Variants in ZFHX3 observed in about 807,000 individuals in gnomAD.
ZFHX3 encodes zinc finger homeobox protein 3.
Under a neutral mutation model 279.1 loss-of-function variants are expected in ZFHX3, and 42 were observed. The observed-to-expected ratio is 0.15, with a 90% CI of 0.12 to 0.19. The LOEUF is 0.19. Ranked by LOEUF, ZFHX3 falls within the 10% of genes least tolerant of loss-of-function variation. The pLI is 1.00. For missense variants in ZFHX3, 4,981 were observed against 4,754.0 expected, an observed-to-expected ratio of 1.05 and a Z score of -1.40; for synonymous variants, 2,293 against 1,957.8, an observed-to-expected ratio of 1.17 and a Z score of -4.52.
At chr16:73,273,758 A>C (rs1203014854) in intron 4 of ZFHX3, among the ~76,000 whole-genome samples, 1 of 152,146 alleles carries the variant, frequency 6.6e-6, no homozygotes, top group Non-Finnish European at 1.5e-5. Context: ...ATAATGCCTT[A>C]AGGAGTGTCT....
At chr16:73,181,077 GTTTGTTTGTTTTGT>G (rs1967781605) in intron 5 of ZFHX3, among the ~76,000 whole-genome samples, 1 of 110,146 alleles carries the variant, frequency 9.1e-6, no homozygotes, top group Non-Finnish European at 1.8e-5. Context: ...TAGTTTTTTT[GTTTGTTTGTTTTGT>G]TTTGTTTTGT....
At chr16:73,491,718 C>A (rs1350354591) in intron 2 of ZFHX3, among the ~76,000 whole-genome samples, 1 of 151,936 alleles carries the variant, frequency 6.6e-6, no homozygotes, top group Non-Finnish European at 1.5e-5. Context: ...CAACTAGGGA[C>A]AAAATTGCAC....
intron 2 of ZFHX3, among the ~76,000 whole-genome samples, chr16:73,607,023 A>T (rs191708672): frequency 9.6e-4 from 144 of 149,396 alleles, no homozygotes; most frequent in African/African-American, 3.4e-3. Flanking sequence ...AATAAAAAGG[A>T]CATGATCTCT....
intron 2 of ZFHX3, among the ~76,000 whole-genome samples, chr16:73,668,147 C>T (rs2052864399): frequency 6.6e-6 from 1 of 152,104 alleles, no homozygotes; most frequent in African/African-American, 2.4e-5. Context: ...GTGTGCCAGA[C>T]TATTTTTCGG....
chr16:72,929,614 C>T (rs1355061294), intron 3 of ZFHX3, among the ~76,000 whole-genome samples: 2 of 152,226 alleles, frequency 1.3e-5, no homozygotes, highest in African/African-American at 2.4e-5. Flanking sequence ...AAGGTGGCCT[C>T]GCCCTGTGGC....
intron 4 of ZFHX3, among the ~76,000 whole-genome samples, chr16:72,884,123 T>C: frequency 6.6e-6 from 1 of 152,198 alleles, no homozygotes; most frequent in East Asian, 1.9e-4. Flanking sequence ...ACAGTATATA[T>C]TCTTGGTCTC....
At chr16:73,447,180 CAAA>C (rs61445002) in intron 3 of ZFHX3, among the ~76,000 whole-genome samples, 5 of 90,554 alleles carry the variant, frequency 5.5e-5, no homozygotes, top group African/African-American at 1.4e-4. Flanking sequence ...GACTCCATCT[CAAA>C]AAAAAAAAAA....
At chr16:73,328,240 A>G (rs559929563) in intron 3 of ZFHX3, among the ~76,000 whole-genome samples, 1 of 152,296 alleles carries the variant, frequency 6.6e-6, no homozygotes, top group African/African-American at 2.4e-5. Context: ...GAGAAGTGGT[A>G]GAAACTGGGG....
chr16:73,077,486 C>G (rs1291956332), intron 8 of ZFHX3, among the ~76,000 whole-genome samples: 1 of 151,712 alleles, frequency 6.6e-6, no homozygotes, highest in Non-Finnish European at 1.5e-5. Flanking sequence ...TGAAGTGACT[C>G]TCCCGTGATT....
At chr16:72,955,335 G>A (rs1031557297) in intron 2 of ZFHX3, among the ~76,000 whole-genome samples, 2 of 152,202 alleles carry the variant, frequency 1.3e-5, no homozygotes, top group Non-Finnish European at 1.5e-5. Flanking sequence ...CTACAACACA[G>A]GGCTTCATTC....
intron 1 of ZFHX3, among the ~76,000 whole-genome samples, chr16:73,006,809 T>C (rs1322827421): frequency 6.6e-6 from 1 of 152,200 alleles, no homozygotes; most frequent in East Asian, 1.9e-4. Context: ...GTCCCTGATA[T>C]AAAACAGCAT....
intron 5 of ZFHX3, among the ~76,000 whole-genome samples, chr16:73,231,653 T>A (rs2012776566): frequency 1.3e-5 from 2 of 152,212 alleles, no homozygotes; most frequent in Admixed American, 1.3e-4. Flanking sequence ...GTGGTCCTTA[T>A]CTCTACTTTG....
intron 3 of ZFHX3, among the ~76,000 whole-genome samples, chr16:73,326,768 G>C (rs561172480): frequency 8.5e-5 from 13 of 152,306 alleles, no homozygotes; most frequent in African/African-American, 2.6e-4. Flanking sequence ...TTTACGGTAA[G>C]TGAATAATAT....
In ZFHX3 at chr16:73,677,428, AAAC is replaced by A. The variant is rs370530843; in HGVS notation, c.-1547+2749_-1547+2751del. Among the ~76,000 whole-genome samples, 461 of 151,904 alleles carry A rather than the reference AAAC, an allele frequency of 3.0e-3. 11 individuals carry two copies. The highest frequency in any genetic ancestry group is 0.028 in the Admixed American group (431 of 15,248). ...CATAGTTTTAAATATTTTTATTAATAAACAACAACAACAACAAAAAATGAATTA... is the reference window on the plus strand; with the variant it reads ...CATAGTTTTAAATATTTTTATTAATAAACAACAACAACAAAAAATGAATTA... On this transcript the variant is annotated intron_variant, in intron 2 of 17. Coordinates refer to the ZFHX3 transcript ENST00000641206.
Position 73,846,607 on chromosome 16 carries a change from T to A in ZFHX3, c.-1608+45044A>T, listed in dbSNP as rs142230445. On this transcript the variant is annotated intron_variant, in intron 1 of 17. Transcript: ENST00000641206. ...TAATTACCTTGTAAATATGCATGAA[T>A]AAGCACAGGCCTCAGATGCCTCTGC... Among the ~76,000 whole-genome samples the A allele has an allele frequency of 9.8e-5, 15 of 152,290 alleles. 1 individual carries two copies. Among genetic ancestry groups the A allele is most frequent in the Admixed American group, 3.9e-4 (6 of 15,296 alleles).
At chr16:73,201,719 G>T (rs1183665333) in intron 5 of ZFHX3, among the ~76,000 whole-genome samples, 2 of 152,184 alleles carry the variant, frequency 1.3e-5, no homozygotes, top group African/African-American at 2.4e-5. Context: ...AAATAATAAT[G>T]AAGATGAAGA....
intron 3 of ZFHX3, among the ~76,000 whole-genome samples, chr16:73,318,694 C>T (rs569318463): frequency 2.6e-5 from 4 of 152,210 alleles, no homozygotes; most frequent in South Asian, 2.1e-4. Flanking sequence ...ATAAATGAAG[C>T]GTAATCACTG....
At chr16:73,388,082 A>AG (rs1293769332) in intron 3 of ZFHX3, among the ~76,000 whole-genome samples, 4 of 152,118 alleles carry the variant, frequency 2.6e-5, no homozygotes, top group Non-Finnish European at 1.5e-5. Flanking sequence ...GATGATTGGA[A>AG]AAAATCAGTG....
intron 2 of ZFHX3, among the ~76,000 whole-genome samples, chr16:73,595,596 A>C (rs1443692568): frequency 1.3e-5 from 2 of 152,130 alleles, no homozygotes; most frequent in Non-Finnish European, 2.9e-5. Context: ...TCTGGGTGTG[A>C]TACATCTCAT....
Sources: gnomAD v4.1 joint callset for allele counts (sites outside exome capture counted in the v4.1 genomes callset) on GRCh38, gnomAD v4.1.1 for gene constraint, MANE v1.5 for transcripts, NCBI Gene and HGNC (gene_info 2026-07-23, HGNC 2026-07-21) for gene names.